Variants in BICC1 observed in about 807,000 individuals in gnomAD.
BICC1 encodes the protein protein bicaudal C homolog 1.
A neutral mutation model predicts 111.0 loss-of-function variants in BICC1; 43 were observed. The observed-to-expected ratio is 0.39, with a 90% confidence interval of 0.30 to 0.50. The LOEUF is 0.50. BICC1 is among the 20% of genes least tolerant of loss of function. The probability of loss-of-function intolerance (pLI) is 0.88; values close to 1 mark genes in which losing one functional copy is unlikely to be tolerated. For missense variants in BICC1, 1,091 were observed against 1,203.2 expected (o/e 0.91, Z 1.38); for synonymous variants, 467 against 434.4 (o/e 1.07, Z -0.93).
At chr10:58,723,728 G>GGTTGAGGACATTCAAGATTGT (rs1352452470) in intron 3 of BICC1, among the ~76,000 whole-genome samples, 2 of 152,148 alleles carry the variant, frequency 1.3e-5, no homozygotes, top group Admixed American at 1.3e-4. Flanking sequence ...TTGCCTGTGG[G>GGTTGAGGACATTCAAGATTGT]GTTGAGGACA....
At chr10:58,560,927 G>A (rs58187444) in intron 1 of BICC1, among the ~76,000 whole-genome samples, 28,324 of 151,896 alleles carry the variant, frequency 0.19, 3,521 homozygotes, top group East Asian at 0.46. Flanking sequence ...TTTAAAAATA[G>A]GTTGAGGCTT....
chr10:58,664,198 A>G (rs1201144469), intron 2 of BICC1, among the ~76,000 whole-genome samples: 1 of 152,174 alleles, frequency 6.6e-6, no homozygotes, highest in African/African-American at 2.4e-5. Context: ...GGAGAGTTTT[A>G]GTTGTTTCAC....
Position 58,591,470 on chromosome 10 carries a change from A to C in BICC1, c.191-29385A>C, listed in dbSNP as rs575391394. 3.3e-5 allele frequency among the ~76,000 whole-genome samples: 5 copies of C among 152,250 alleles called. No homozygotes were observed. The East Asian group carries it at 5.8e-4, about 18-fold the overall frequency. ...AGATGTGCCTTCTCTGTAACCTCAC[A>C]TGATGGAAGGGGCAAAGGACCTCTC... On this transcript the variant is annotated intron_variant, in intron 1 of 20. Coordinates refer to ENST00000373886, the MANE Select transcript of BICC1 (RefSeq NM_001080512.3).
At chr10:58,550,329 T>C (rs1843262851) in intron 1 of BICC1, among the ~76,000 whole-genome samples, 1 of 152,190 alleles carries the variant, frequency 6.6e-6, no homozygotes, top group Non-Finnish European at 1.5e-5. Flanking sequence ...GCTGTATATT[T>C]TATATACAAC....
At chr10:58,568,655 A>G (rs997931631) in intron 1 of BICC1, among the ~76,000 whole-genome samples, 4 of 152,150 alleles carry the variant, frequency 2.6e-5, no homozygotes, top group African/African-American at 9.7e-5. Flanking sequence ...TTCAACCCCA[A>G]ACATCCAGCC....
rs538840478 is a variant in BICC1, at chr10:58,572,660, A to G, written c.191-48195A>G. Among the ~76,000 whole-genome samples the G allele has an allele frequency of 1.1e-4, 17 of 152,304 alleles. No individual in the cohort carries two copies. The East Asian group carries it at 3.3e-3, about 29-fold the overall frequency. The stretch of plus-strand genomic sequence containing the variant: ...AAAAGCACAAAAGTCTTCAATGTTT[A>G]TCTCTGTCATCTATATCTATGTCTA... On this transcript the variant is annotated intron_variant, in intron 1 of 20. Transcript: ENST00000373886.
chr10:58,534,868 T>C (rs1842786893), intron 1 of BICC1, among the ~76,000 whole-genome samples: 1 of 151,534 alleles, frequency 6.6e-6, no homozygotes, highest in Non-Finnish European at 1.5e-5. Flanking sequence ...TGAAAAATTT[T>C]TTTTTAAAGA....
At chr10:58,671,468 G>A (rs1364066531) in intron 2 of BICC1, among the ~76,000 whole-genome samples, 1 of 152,126 alleles carries the variant, frequency 6.6e-6, no homozygotes, top group Non-Finnish European at 1.5e-5. Flanking sequence ...CAAGCTGAAT[G>A]ATGAGATTTC....
intron 1 of BICC1, among the ~76,000 whole-genome samples, chr10:58,618,573 C>T (rs893429912): frequency 2.0e-5 from 3 of 152,176 alleles, no homozygotes; most frequent in Admixed American, 6.5e-5. Context: ...CATGATTCCT[C>T]GAGTGTTCTT....
chr10:58,555,087 G>A (rs1387428452), intron 1 of BICC1, among the ~76,000 whole-genome samples: 1 of 151,824 alleles, frequency 6.6e-6, no homozygotes, highest in Admixed American at 6.6e-5. Context: ...CTCACATAGT[G>A]GGGAGAGTAA....
intron 1 of BICC1, among the ~76,000 whole-genome samples, chr10:58,515,639 A>G (rs1842223922): frequency 6.6e-6 from 1 of 152,230 alleles, no homozygotes; most frequent in African/African-American, 2.4e-5. Context: ...TGACCAAAAC[A>G]CAAGTGTGAG....
intron 2 of BICC1, among the ~76,000 whole-genome samples, chr10:58,673,627 A>T (rs561866245): frequency 2.6e-5 from 4 of 151,670 alleles, no homozygotes; most frequent in South Asian, 2.1e-4. Context: ...TATTTTTTTC[A>T]TTTTTATTTT....
intron 1 of BICC1, among the ~76,000 whole-genome samples, chr10:58,552,503 T>C (rs528670998): frequency 3.3e-5 from 5 of 151,904 alleles, no homozygotes; most frequent in Admixed American, 6.6e-5. Context: ...ACCCAGCTAA[T>C]TTTTTGTATT....
intron 3 of BICC1, among the ~76,000 whole-genome samples, chr10:58,758,662 A>G (rs2132671516): frequency 6.6e-6 from 1 of 152,356 alleles, no homozygotes; most frequent in South Asian, 2.1e-4. Context: ...GAAATGTTTT[A>G]TCAGACATTT....
intron 2 of BICC1, among the ~76,000 whole-genome samples, chr10:58,695,516 G>A (rs1840042282): frequency 6.6e-6 from 1 of 152,160 alleles, no homozygotes; most frequent in African/African-American, 2.4e-5. Flanking sequence ...TATAAATGTT[G>A]AGTTAGAGAG....
chr10:58,520,458 T>TCC (rs1337142882), intron 1 of BICC1, among the ~76,000 whole-genome samples: 1 of 152,138 alleles, frequency 6.6e-6, no homozygotes, highest in Non-Finnish European at 1.5e-5. Flanking sequence ...TAAATCCTTT[T>TCC]CCTACCTATC....
rs16912629 is a variant in BICC1, at chr10:58,813,725, G to A, written c.2377-105G>A. 2.8e-3 allele frequency: 3,410 copies of A among 1,199,106 alleles called. 88 individuals are homozygous for A. In the African/African-American group the frequency reaches 0.045, roughly 16 times the overall value. The allele number at this position is 1,199,106 out of a possible 1,614,324, so 74.3% of individuals were successfully genotyped here. A position where few individuals can be genotyped will look rare whatever the true frequency, so the allele number is the denominator to read the frequency against. On this transcript the variant is annotated intron_variant, in intron 17 of 20. Transcript: ENST00000373886. ...CACTCATGAGTAACTGCGGTGGTTGGCAAGAGAAGTAAACGGCAGTGGTGT... is the reference window on the plus strand; with the variant it reads ...CACTCATGAGTAACTGCGGTGGTTGACAAGAGAAGTAAACGGCAGTGGTGT...
chr10:58,662,960 A>G (rs1838889282), intron 2 of BICC1, among the ~76,000 whole-genome samples: 1 of 152,078 alleles, frequency 6.6e-6, no homozygotes, highest in Non-Finnish European at 1.5e-5. Context: ...TACCTGCCAC[A>G]CTGTAGGCAC....
At chr10:58,564,928 G>A (rs997035207) in intron 1 of BICC1, among the ~76,000 whole-genome samples, 1 of 152,022 alleles carries the variant, frequency 6.6e-6, no homozygotes, top group African/African-American at 2.4e-5. Flanking sequence ...AAGAGGAATA[G>A]GAAAGAAGGA....
Sources: gnomAD v4.1 joint callset for allele counts (sites outside exome capture counted in the v4.1 genomes callset) on GRCh38, gnomAD v4.1.1 for gene constraint, MANE v1.5 for transcripts, NCBI Gene and HGNC (gene_info 2026-07-23, HGNC 2026-07-21) for gene names.